The following NELL2 variants were observed in gnomAD, a reference collection of about 807,000 sequenced individuals.
NELL2 encodes the protein protein kinase C-binding protein NELL2.
Under a neutral mutation model 109.6 loss-of-function variants are expected in NELL2, and 41 were observed. The ratio of observed to expected loss-of-function variants is 0.37; its 90% CI spans 0.29 to 0.49. NELL2 has a LOEUF of 0.49. Among genes scored for constraint, NELL2 ranks in the 20% least tolerant of loss-of-function variants. NELL2 has a pLI of 0.98. For missense variants in NELL2, 900 were observed against 1,008.3 expected, an observed-to-expected ratio of 0.89 and a Z score of 1.45; for synonymous variants, 355 against 344.7, an observed-to-expected ratio of 1.03 and a Z score of -0.33.
chr12:44,741,431 C>T (rs1200004718), intron 9 of NELL2, among the ~76,000 whole-genome samples: 1 of 152,184 alleles, frequency 6.6e-6, no homozygotes, highest in East Asian at 1.9e-4. Flanking sequence ...GGGTTCATCC[C>T]ACTGGGGAGT....
chr12:44,838,301 A>T (rs1419218384), intron 2 of NELL2, among the ~76,000 whole-genome samples: 1 of 152,222 alleles, frequency 6.6e-6, no homozygotes, highest in Non-Finnish European at 1.5e-5. Flanking sequence ...ATGTCAACAG[A>T]GGATGCTTTG....
intron 11 of NELL2, among the ~76,000 whole-genome samples, chr12:44,706,793 C>A (rs1937907153): frequency 6.6e-6 from 1 of 152,072 alleles, no homozygotes; most frequent in South Asian, 2.1e-4. Context: ...TACAACCTAG[C>A]CTTTCTTTGA....
intron 3 of NELL2, among the ~76,000 whole-genome samples, chr12:44,814,968 C>T (rs936912863): frequency 6.6e-6 from 1 of 152,108 alleles, no homozygotes; most frequent in Non-Finnish European, 1.5e-5. Flanking sequence ...CTTTAATCCT[C>T]ACAACAACTT....
chr12:44,712,767 G>A (rs898296066), intron 10 of NELL2, among the ~76,000 whole-genome samples: 1 of 151,938 alleles, frequency 6.6e-6, no homozygotes, highest in Non-Finnish European at 1.5e-5. Flanking sequence ...GTATGCAAGA[G>A]AGTTTGAAGA....
At chr12:44,856,150 C>A (rs1414920738) in intron 2 of NELL2, among the ~76,000 whole-genome samples, 1 of 152,184 alleles carries the variant, frequency 6.6e-6, no homozygotes, top group African/African-American at 2.4e-5. Flanking sequence ...ACTCAAGCCC[C>A]AAGGAGATCA....
chr12:44,769,052 G>C (rs538913915), intron 9 of NELL2, among the ~76,000 whole-genome samples: 10 of 152,050 alleles, frequency 6.6e-5, no homozygotes, highest in Admixed American at 2.0e-4. Flanking sequence ...TTGTTGAAAA[G>C]TCAAGAACAC....
At chr12:44,780,576 G>T (rs1229502273) in intron 3 of NELL2, among the ~76,000 whole-genome samples, 2 of 151,840 alleles carry the variant, frequency 1.3e-5, no homozygotes, top group African/African-American at 4.8e-5. Flanking sequence ...ACCCTCCCAG[G>T]CAGTAATGAG....
At chr12:44,894,311 C>A (rs1487133590) in intron 1 of NELL2, among the ~76,000 whole-genome samples, 1 of 152,054 alleles carries the variant, frequency 6.6e-6, no homozygotes, top group African/African-American at 2.4e-5. Context: ...TAACATACAT[C>A]TATGTTTTGT....
chr12:44,825,347 C>T lies in NELL2; in HGVS notation c.185-9211G>A, dbSNP rs138134666. ...ACCTCCTTGATTTAATTTACACCTA[C>T]GTATTTTTATAGCTATTATAAATCA... On this transcript the variant is annotated intron_variant, in intron 2 of 19. Transcript: ENST00000429094. Among the ~76,000 whole-genome samples the T allele has an allele frequency of 7.3e-3, 1,089 of 149,472 alleles. 9 individuals are homozygous for T. Among genetic ancestry groups the T allele is most frequent in the Middle Eastern group, 0.021 (6 of 290 alleles).
chr12:44,816,590 C>G (rs1334695309), intron 2 of NELL2, among the ~76,000 whole-genome samples: 1 of 152,156 alleles, frequency 6.6e-6, no homozygotes, highest in Non-Finnish European at 1.5e-5. Flanking sequence ...AATCTATGTG[C>G]CACCCTCCAC....
chr12:44,888,144 C>G (rs547255336), intron 1 of NELL2, among the ~76,000 whole-genome samples: 2 of 152,100 alleles, frequency 1.3e-5, no homozygotes, highest in Non-Finnish European at 1.5e-5. Flanking sequence ...TGAATTGGCT[C>G]AAAATGTGTG....
chr12:44,657,491 T>A (rs776991491), intron 13 of NELL2, among the ~76,000 whole-genome samples: 33 of 152,306 alleles, frequency 2.2e-4, no homozygotes, highest in Non-Finnish European at 4.1e-4. Context: ...TTCTTTTTTT[T>A]AAATTATACT....
intron 12 of NELL2, among the ~76,000 whole-genome samples, chr12:44,694,859 AG>A (rs1949011848): frequency 6.6e-6 from 1 of 152,140 alleles, no homozygotes; most frequent in Non-Finnish European, 1.5e-5. Context: ...CAACTTTGTG[AG>A]GCTATCGCTC....
rs563405976 is a variant in NELL2 at position 44,876,272 on chromosome 12, C to T, written c.-403G>A. The T allele has an allele frequency of 2.2e-5, 26 of 1,158,290 alleles. No individual in the cohort carries two copies. The South Asian group carries it at 6.5e-4, about 29-fold the overall frequency. 71.8% of individuals were successfully genotyped at this position (1,158,290 alleles called of 1,614,324 possible). ...CGGGCTGGGGCGGCCCCGCACCCCC[C>T]CGTCTTCCCCGCCGCCCGAACCTGT... is the stretch of plus-strand genomic sequence containing the variant. On this transcript the variant is annotated 5_prime_UTR_variant, in exon 1 of 20. Coordinates refer to ENST00000429094, the MANE Select transcript of NELL2 (RefSeq NM_001145108.2).
At chr12:44,876,543 C>G, upstream of NELL2, 3 of 1,446,948 alleles carry the variant, frequency 2.1e-6, no homozygotes, top group Non-Finnish European at 2.8e-6. Flanking sequence ...CAATGCCAAC[C>G]TCCTTTCGGG....
chr12:44,897,519 G>A (rs1945607702), intron 1 of NELL2, among the ~76,000 whole-genome samples: 1 of 152,048 alleles, frequency 6.6e-6, no homozygotes, highest in African/African-American at 2.4e-5. Context: ...GCAAGGGGTT[G>A]GGGAACTCCC....
chr12:44,579,484 G>A (rs560790669), intron 15 of NELL2, among the ~76,000 whole-genome samples: 3 of 152,242 alleles, frequency 2.0e-5, no homozygotes, highest in East Asian at 3.9e-4. Flanking sequence ...AAGAACCTTC[G>A]AGACAGTGGA....
chr12:44,697,281 C>A (rs7131850), intron 12 of NELL2, among the ~76,000 whole-genome samples: 1 of 152,084 alleles, frequency 6.6e-6, no homozygotes, highest in Non-Finnish European at 1.5e-5. Context: ...GGAGCCTGAC[C>A]GGGCAGCCCA....
chr12:44,683,490 C>G (rs1484442420), intron 12 of NELL2, among the ~76,000 whole-genome samples: 1 of 151,966 alleles, frequency 6.6e-6, no homozygotes, highest in Non-Finnish European at 1.5e-5. Context: ...GCATCCCTGT[C>G]TTGTGCCAGT....
Sources: allele counts gnomAD v4.1 joint callset (sites outside exome capture counted in the v4.1 genomes callset), GRCh38; gene constraint gnomAD v4.1.1; transcripts MANE v1.5; gene names NCBI Gene and HGNC (gene_info 2026-07-23, HGNC 2026-07-21).